The following PLCB1 variants were observed in gnomAD, a reference collection of about 807,000 sequenced individuals.
PLCB1 encodes phospholipase C beta 1, also known as 1-phosphatidylinositol 4,5-bisphosphate phosphodiesterase beta-1.
PLCB1 carries 46 observed loss-of-function variants against 161.8 expected under a neutral mutation model. That is an observed-to-expected ratio of 0.28 (90% CI 0.22 to 0.36). The LOEUF (loss-of-function observed/expected upper bound fraction) is 0.36, where lower values mean the gene tolerates loss of function less well. Among genes scored for constraint, PLCB1 ranks in the 10% least tolerant of loss-of-function variants. PLCB1 has a pLI of 1.00. For synonymous variants in PLCB1, 517 were observed against 503.7 expected, an observed-to-expected ratio of 1.03 and a Z score of -0.35; for missense variants, 1,016 against 1,472.5, an observed-to-expected ratio of 0.69 and a Z score of 5.07.
rs553851672 is a variant in PLCB1, at chr20:8,156,057, A to G, written c.177+5686A>G. ...ATAGCTAAAACAGACACAGTGCCAT[A>G]CCCACACCCTCTTCCTCACCACTCC... On this transcript the variant is annotated intron_variant, in intron 2 of 31. Coordinates refer to ENST00000338037, the MANE Select transcript of PLCB1 (RefSeq NM_015192.4). 1.4e-4 allele frequency among the ~76,000 whole-genome samples: 22 copies of G among 152,232 alleles called. No individual in the cohort carries two copies. In the South Asian group the frequency reaches 2.1e-3, roughly 14 times the overall value.
intron 3 of PLCB1, among the ~76,000 whole-genome samples, chr20:8,499,830 A>G (rs367555369): frequency 2.6e-4 from 40 of 152,334 alleles, no homozygotes; most frequent in African/African-American, 9.4e-4. Flanking sequence ...AATGCATACT[A>G]GAAGTGTATT....
At chr20:8,254,860 C>A (rs762210935) in intron 2 of PLCB1, among the ~76,000 whole-genome samples, 1 of 151,964 alleles carries the variant, frequency 6.6e-6, no homozygotes, top group Non-Finnish European at 1.5e-5. Context: ...TACAGATCTA[C>A]CTAGAATTGA....
intron 2 of PLCB1, among the ~76,000 whole-genome samples, chr20:8,195,603 C>T (rs1361377213): frequency 6.6e-6 from 1 of 151,994 alleles, no homozygotes; most frequent in Non-Finnish European, 1.5e-5. Context: ...AAACGAGAGA[C>T]CTAATTCAAA....
At chr20:8,840,576 C>CAT (rs1036833388) in intron 31 of PLCB1, among the ~76,000 whole-genome samples, 3 of 152,124 alleles carry the variant, frequency 2.0e-5, no homozygotes, top group African/African-American at 7.2e-5. Context: ...CTGTGGATTC[C>CAT]CTCTTTTAAA....
intron 2 of PLCB1, among the ~76,000 whole-genome samples, chr20:8,205,968 G>A (rs1407371267): frequency 6.6e-6 from 1 of 150,832 alleles, no homozygotes; most frequent in Non-Finnish European, 1.5e-5. Flanking sequence ...ATCATCCTCA[G>A]TGTATGAATA....
intron 3 of PLCB1, among the ~76,000 whole-genome samples, chr20:8,428,311 C>T (rs575820851): frequency 1.4e-4 from 22 of 152,202 alleles, no homozygotes; most frequent in Non-Finnish European, 2.8e-4. Context: ...ACCTCTGTCT[C>T]CCGGGTTCAA....
At chr20:8,356,325 T>C (rs1483039340) in intron 2 of PLCB1, among the ~76,000 whole-genome samples, 1 of 152,114 alleles carries the variant, frequency 6.6e-6, no homozygotes. Flanking sequence ...CCTGTAGGAT[T>C]TGTTATAATG....
intron 3 of PLCB1, among the ~76,000 whole-genome samples, chr20:8,400,889 C>T (rs926770392): frequency 3.3e-5 from 5 of 152,150 alleles, no homozygotes; most frequent in Admixed American, 6.5e-5. Context: ...CAGGTATATT[C>T]GAATTTCCTG....
At chr20:8,146,590 T>A (rs1568569406) in intron 1 of PLCB1, among the ~76,000 whole-genome samples, 1 of 152,246 alleles carries the variant, frequency 6.6e-6, no homozygotes, top group Non-Finnish European at 1.5e-5. Flanking sequence ...TAGTATTTAT[T>A]ATTGACTTAT....
At chr20:8,825,812 CTCTGGCAG>C (rs1555793280) in intron 31 of PLCB1, among the ~76,000 whole-genome samples, 1 of 152,146 alleles carries the variant, frequency 6.6e-6, no homozygotes, top group Non-Finnish European at 1.5e-5. Flanking sequence ...AGGCAAGAGA[CTCTGGCAG>C]TGTGGAGTCG....
intron 2 of PLCB1, among the ~76,000 whole-genome samples, chr20:8,246,694 G>A (rs1344923127): frequency 6.6e-6 from 1 of 151,866 alleles, no homozygotes; most frequent in Non-Finnish European, 1.5e-5. Flanking sequence ...CATAGAGCCT[G>A]GACACTGATT....
At chr20:8,249,407 G>A (rs902004549) in intron 2 of PLCB1, 4 of 151,794 alleles carry the variant, frequency 2.6e-5, no homozygotes, top group African/African-American at 9.7e-5. Flanking sequence ...ACACTTCATC[G>A]GTAATTCATG....
chr20:8,342,935 C>G (rs162223), intron 2 of PLCB1, among the ~76,000 whole-genome samples: 15,665 of 152,182 alleles, frequency 0.1, 997 homozygotes, highest in Non-Finnish European at 0.15. Flanking sequence ...CAAATCCCAA[C>G]AGTCCAATAA....
At chr20:8,842,516 T>TAGTG (rs1032803087) in intron 31 of PLCB1, among the ~76,000 whole-genome samples, 1 of 152,160 alleles carries the variant, frequency 6.6e-6, no homozygotes, top group Non-Finnish European at 1.5e-5. Flanking sequence ...ATAGACTTGA[T>TAGTG]AGTGTAGCAG....
At chr20:8,383,545 A>G (rs769259713) in intron 3 of PLCB1, among the ~76,000 whole-genome samples, 2 of 152,166 alleles carry the variant, frequency 1.3e-5, no homozygotes, top group Admixed American at 1.3e-4. Flanking sequence ...TAAGGTTAGT[A>G]TGGTTACATG....
At chr20:8,325,010 T>C (rs1474737550) in intron 2 of PLCB1, among the ~76,000 whole-genome samples, 3 of 152,342 alleles carry the variant, frequency 2.0e-5, no homozygotes, top group East Asian at 3.9e-4. Context: ...AACAGGTTTT[T>C]CGGGTGCTTT....
chr20:8,674,870 A>G (rs1162892119), intron 9 of PLCB1, among the ~76,000 whole-genome samples: 1 of 152,212 alleles, frequency 6.6e-6, no homozygotes, highest in African/African-American at 2.4e-5. Flanking sequence ...GAAAAGAGTA[A>G]GAGGGACTGG....
At chr20:8,497,269 G>A (rs1983219650) in intron 3 of PLCB1, among the ~76,000 whole-genome samples, 1 of 152,138 alleles carries the variant, frequency 6.6e-6, no homozygotes, top group African/African-American at 2.4e-5. Flanking sequence ...TATGCATATA[G>A]TAAGATGTTT....
At chr20:8,646,421 G>A (rs535709175) in intron 5 of PLCB1, among the ~76,000 whole-genome samples, 65 of 152,344 alleles carry the variant, frequency 4.3e-4, no homozygotes, top group African/African-American at 1.4e-3. Context: ...TCGCATGAAT[G>A]TCAGTGCTTT....
Sources: gnomAD v4.1 joint callset for allele counts (sites outside exome capture counted in the v4.1 genomes callset) on GRCh38, gnomAD v4.1.1 for gene constraint, MANE v1.5 for transcripts, NCBI Gene and HGNC (gene_info 2026-07-23, HGNC 2026-07-21) for gene names.